Variants in WDR5 observed in about 807,000 individuals in gnomAD.
The protein encoded by WDR5 is WD repeat domain 5.
For synonymous variants in WDR5, 144 were observed against 161.6 expected (o/e 0.89, Z 0.83); for missense variants, 187 against 416.9 (o/e 0.45, Z 4.80).
Position 134,142,737 on chromosome 9 carries a change from G to A in WDR5, c.528+18G>A, listed in dbSNP as rs756190653. 3.2e-5 allele frequency: 51 copies of A among 1,612,930 alleles called. No homozygotes were observed. The Middle Eastern group carries it at 4.5e-3, about 141-fold the overall frequency. On this transcript the variant is annotated intron_variant, in intron 7 of 13. Transcript: ENST00000358625. ...TCTCGGCCGTAAGTCCCTCTGACAC[G>A]GATGGGGTGGTGTCCAGCACTACGT...
intron 1 of WDR5, among the ~76,000 whole-genome samples, chr9:134,136,409 C>T (rs1831556899): frequency 6.6e-6 from 1 of 151,648 alleles, no homozygotes; most frequent in Admixed American, 6.6e-5. Flanking sequence ...TCCCTCCACC[C>T]GGTCCGCCCC....
intron 7 of WDR5, among the ~76,000 whole-genome samples, chr9:134,147,430 AT>A (rs1161987869): frequency 6.6e-6 from 1 of 152,160 alleles, no homozygotes; most frequent in Non-Finnish European, 1.5e-5. Context: ...ACACATGGCA[AT>A]GTCTGGAGAC....
At chr9:134,152,785 G>T (rs2132574343) in intron 9 of WDR5, among the ~76,000 whole-genome samples, 1 of 152,328 alleles carries the variant, frequency 6.6e-6, no homozygotes, top group East Asian at 1.9e-4. Flanking sequence ...AGCCCCACAG[G>T]CTGGGAGGCT....
intron 8 of WDR5, among the ~76,000 whole-genome samples, chr9:134,150,297 A>C (rs1024929946): frequency 6.6e-6 from 1 of 152,192 alleles, no homozygotes; most frequent in Admixed American, 6.5e-5. Context: ...ACATCAGGAA[A>C]CCTATTATCT....
At chr9:134,138,183 TTCC>T (rs1831676088) in intron 1 of WDR5, among the ~76,000 whole-genome samples, 1 of 152,232 alleles carries the variant, frequency 6.6e-6, no homozygotes, top group African/African-American at 2.4e-5. Flanking sequence ...CTATCTGTTG[TTCC>T]TCCTCTGAGG....
intron 8 of WDR5, among the ~76,000 whole-genome samples, chr9:134,150,697 T>C (rs537521700): frequency 6.6e-6 from 1 of 152,370 alleles, no homozygotes; most frequent in African/African-American, 2.4e-5. Flanking sequence ...ACGTGGGTAC[T>C]GTCAGCCTTG....
intron 7 of WDR5, among the ~76,000 whole-genome samples, chr9:134,143,681 C>T (rs888396167): frequency 2.0e-5 from 3 of 151,980 alleles, no homozygotes; most frequent in Admixed American, 1.3e-4. Context: ...GCGCCCACCA[C>T]CATGCCTGGC....
intron 7 of WDR5, among the ~76,000 whole-genome samples, chr9:134,148,014 T>A (rs962918611): frequency 6.6e-6 from 1 of 151,830 alleles, no homozygotes; most frequent in Non-Finnish European, 1.5e-5. Flanking sequence ...TATATAAAAA[T>A]TAGCTGGGCG....
rs769656406 is a variant in WDR5 at position 134,155,673 on chromosome 9, C to T, written c.742-20C>T. On this transcript the variant is annotated intron_variant, in intron 11 of 13. Transcript: ENST00000358625. Reference sequence around the variant, plus strand: ...AGGGGAACCATGACTCTGTGACCAGCCTGTCCCCTCCTGTTTCAGTGCCTG... The same window carrying T: ...AGGGGAACCATGACTCTGTGACCAGTCTGTCCCCTCCTGTTTCAGTGCCTG... 14 of 1,612,630 alleles carry T rather than the reference C, an allele frequency of 8.7e-6. No homozygotes were observed. The Admixed American group carries it at 2.3e-4, about 27-fold the overall frequency.
chr9:134,152,156 TC>T (rs1311531427), intron 9 of WDR5, 127 bp downstream of exon 9: 3 of 1,108,516 alleles, frequency 2.7e-6, no homozygotes, highest in Non-Finnish European at 3.8e-6. Context: ...GGAGGAACCT[TC>T]CTCCGTGTCC....
At chr9:134,140,913 A>C (rs1831852616) in intron 3 of WDR5, 102 bp downstream of exon 3, 2 of 1,131,010 alleles carry the variant, frequency 1.8e-6, no homozygotes, top group Admixed American at 1.8e-5. Flanking sequence ...CGCTGGGGAG[A>C]CGTAGCAGGC....
chr9:134,154,727 G>A (rs1255917491), intron 10 of WDR5, among the ~76,000 whole-genome samples, 186 bp downstream of exon 10: 2 of 152,222 alleles, frequency 1.3e-5, no homozygotes, highest in African/African-American at 2.4e-5. Context: ...ATCCCTTCCC[G>A]AGGCTGAACC....
chr9:134,143,309 G>A (rs757867058), intron 7 of WDR5, among the ~76,000 whole-genome samples: 5 of 152,192 alleles, frequency 3.3e-5, no homozygotes, highest in Non-Finnish European at 7.4e-5. Context: ...GGGAGGCCGA[G>A]GCGGGTGGAT....
intron 8 of WDR5, among the ~76,000 whole-genome samples, chr9:134,151,324 A>C (rs1294003767): frequency 1.3e-5 from 2 of 152,200 alleles, no homozygotes; most frequent in African/African-American, 4.8e-5. Context: ...GAGAGATGGG[A>C]GGGACCGTGC....
At chr9:134,151,658 C>T (rs1832493102) in intron 8 of WDR5, among the ~76,000 whole-genome samples, 1 of 152,184 alleles carries the variant, frequency 6.6e-6, no homozygotes, top group African/African-American at 2.4e-5. Flanking sequence ...GCTGCTGCCC[C>T]TCTCCTTGGC....
In WDR5 at chr9:134,137,058, A is replaced by G. The variant is rs114781692; in HGVS notation, c.-59+858A>G. 7.1e-3 allele frequency among the ~76,000 whole-genome samples: 1,081 copies of G among 152,242 alleles called. 13 individuals are homozygous for G. The highest frequency in any genetic ancestry group is 0.024 in the African/African-American group (1,005 of 41,552). ...CGGCTGGTGTTTAAGATGCAGATTA[A>G]TTCCTGTCTTTGCACACAGTATGCT... On this transcript the variant is annotated intron_variant, in intron 1 of 13. Transcript: ENST00000358625.
Position 134,142,285 on chromosome 9 carries a change from G to A in WDR5, c.355-48G>A, listed in dbSNP as rs550651645. The A allele has an allele frequency of 1.1e-5, 17 of 1,579,514 alleles. No individual in the cohort carries two copies. In the East Asian group the frequency reaches 2.5e-4, roughly 23 times the overall value. ...TTGATGAATGTGACCTGACTCTTACGTTTGGGGAAATAAGCACTGGAATAA... is the reference window on the plus strand; with the variant it reads ...TTGATGAATGTGACCTGACTCTTACATTTGGGGAAATAAGCACTGGAATAA... On this transcript the variant is annotated intron_variant, in intron 5 of 13. Transcript: ENST00000358625.
intron 12 of WDR5, 72 bp downstream of exon 12, chr9:134,155,839 G>A: frequency 1.4e-6 from 2 of 1,444,580 alleles, no homozygotes; most frequent in Non-Finnish European, 1.9e-6. Context: ...CCTGTTACAG[G>A]TTGCTTTATA....
At chr9:134,136,531 C>T (rs1283284086) in intron 1 of WDR5, among the ~76,000 whole-genome samples, 2 of 152,208 alleles carry the variant, frequency 1.3e-5, no homozygotes, top group African/African-American at 2.4e-5. Context: ...GCCCCTCTCC[C>T]TCCACTGCCC....
Sources: gnomAD v4.1 joint callset for allele counts (sites outside exome capture counted in the v4.1 genomes callset) on GRCh38, gnomAD v4.1.1 for gene constraint, MANE v1.5 for transcripts, NCBI Gene and HGNC (gene_info 2026-07-23, HGNC 2026-07-21) for gene names.